The following PDS5A variants were observed in gnomAD, a reference collection of about 807,000 sequenced individuals.
The protein encoded by PDS5A is PDS5 cohesin associated factor A, also known as sister chromatid cohesion protein PDS5 homolog A.
PDS5A carries 42 observed loss-of-function variants against 167.1 expected under a neutral mutation model. That is an observed-to-expected ratio of 0.25 (90% confidence interval 0.20 to 0.33). The LOEUF (loss-of-function observed/expected upper bound fraction) is 0.33. PDS5A is among the 10% of genes least tolerant of loss of function. The probability of loss-of-function intolerance (pLI) is 1.00; values close to 1 mark genes in which losing one functional copy is unlikely to be tolerated. For synonymous variants in PDS5A, 553 were observed against 554.6 expected (o/e 1.00, Z 0.04); for missense variants, 1,033 against 1,605.9 (o/e 0.64, Z 6.10).
intron 2 of PDS5A, among the ~76,000 whole-genome samples, chr4:39,958,506 C>CA (rs370128527): frequency 0.084 from 6,771 of 80,244 alleles, 293 homozygotes; most frequent in East Asian, 0.28. Flanking sequence ...AACTGTGTCT[C>CA]AAAAAAAAAA....
intron 31 of PDS5A, among the ~76,000 whole-genome samples, chr4:39,839,237 C>T (rs1205687061): frequency 2.0e-5 from 3 of 151,976 alleles, no homozygotes; most frequent in East Asian, 3.9e-4. Flanking sequence ...GTGTTTCAAA[C>T]ACCAAGCAGA....
At chr4:39,840,073 G>A (rs1052152369) in intron 31 of PDS5A, among the ~76,000 whole-genome samples, 1 of 151,742 alleles carries the variant, frequency 6.6e-6, no homozygotes, top group African/African-American at 2.4e-5. Flanking sequence ...CAGCCCAGGC[G>A]ACAGAGACTC....
intron 31 of PDS5A, among the ~76,000 whole-genome samples, chr4:39,840,091 AAAAACAAAAG>A (rs1212972060): frequency 6.6e-6 from 1 of 152,106 alleles, no homozygotes; most frequent in Admixed American, 6.6e-5. Context: ...CTCCGTCTCA[AAAAACAAAAG>A]AAAACAAAAC....
intron 26 of PDS5A, among the ~76,000 whole-genome samples, chr4:39,860,683 CAGCAAAATG>C (rs1718909983): frequency 6.6e-6 from 1 of 152,144 alleles, no homozygotes; most frequent in Admixed American, 6.5e-5. Flanking sequence ...CTGTCATTTT[CAGCAAAATG>C]AACAGAACTT....
At chr4:39,843,608 G>A (rs1432873788) in intron 30 of PDS5A, among the ~76,000 whole-genome samples, 2 of 152,076 alleles carry the variant, frequency 1.3e-5, no homozygotes, top group East Asian at 3.9e-4. Flanking sequence ...GGAAGCTGAG[G>A]TGTGAGAATC....
chr4:39,898,373 AG>A lies in PDS5A; in HGVS notation c.1770+15del. On this transcript the variant is annotated intron_variant, in intron 16 of 32. Coordinates refer to ENST00000303538, the MANE Select transcript of PDS5A (RefSeq NM_001100399.2). ...AAGTAAAGCTAGAGAAAAAGTGTGA[AG>A]TATGATTTACTAACCACACAAATAT... 6.5e-7 allele frequency: 1 copy of A among 1,533,230 alleles called. No homozygotes were observed. Among genetic ancestry groups the A allele is most frequent in the African/African-American group, 1.4e-5 (1 of 72,482 alleles). 95.0% of individuals were successfully genotyped at this position (1,533,230 alleles called of 1,614,324 possible).
intron 30 of PDS5A, among the ~76,000 whole-genome samples, chr4:39,844,330 C>T (rs1049442089): frequency 6.6e-6 from 1 of 151,774 alleles, no homozygotes; most frequent in Non-Finnish European, 1.5e-5. Flanking sequence ...CAAAAATTAG[C>T]GGGGCGTGGT....
In PDS5A at chr4:39,886,911, T is replaced by A. The variant is rs144383454; in HGVS notation, c.1886+3338A>T. 7.2e-3 allele frequency among the ~76,000 whole-genome samples: 1,091 copies of A among 152,094 alleles called. 13 individuals carry two copies. Among genetic ancestry groups the A allele is most frequent in the African/African-American group, 0.024 (1,007 of 41,480 alleles). On this transcript the variant is annotated intron_variant, in intron 17 of 32. Coordinates refer to ENST00000303538, the MANE Select transcript of PDS5A (RefSeq NM_001100399.2). The stretch of plus-strand genomic sequence containing the variant: ...ATTATAAATAAGATTGCTTTCTTGA[T>A]TTTTCGGATTGTTTGCTGTCGGCAT...
chr4:39,940,212 C>A (rs1727095981), intron 2 of PDS5A, among the ~76,000 whole-genome samples: 1 of 151,966 alleles, frequency 6.6e-6, no homozygotes, highest in South Asian at 2.1e-4. Flanking sequence ...GAGCGAGACC[C>A]TGTCTGGAAG....
chr4:39,880,737 T>C (rs569169388), intron 17 of PDS5A, among the ~76,000 whole-genome samples: 37 of 152,316 alleles, frequency 2.4e-4, no homozygotes, highest in South Asian at 6.2e-4. Flanking sequence ...ATATAATGCA[T>C]GGTGATCAGA....
At chr4:39,923,454 A>T (rs1725183405) in intron 5 of PDS5A, among the ~76,000 whole-genome samples, 2 of 152,034 alleles carry the variant, frequency 1.3e-5, no homozygotes, top group Admixed American at 6.6e-5. Context: ...TGTCAATTTT[A>T]GCCTGGGCAA....
At chr4:39,844,478 C>A (rs1430064575) in intron 30 of PDS5A, among the ~76,000 whole-genome samples, 178 bp downstream of exon 30, 56 of 130,238 alleles carry the variant, frequency 4.3e-4, no homozygotes, top group Non-Finnish European at 5.5e-4. Context: ...GACTTTGTCT[C>A]AAAAAAAAAA....
intron 17 of PDS5A, among the ~76,000 whole-genome samples, chr4:39,882,980 G>GT (rs1721089174): frequency 6.6e-6 from 1 of 152,110 alleles, no homozygotes; most frequent in Non-Finnish European, 1.5e-5. Flanking sequence ...AGAAGGAAGA[G>GT]TAGTAATGGA....
intron 16 of PDS5A, among the ~76,000 whole-genome samples, chr4:39,896,791 CT>C (rs58818457): frequency 0.025 from 3,703 of 150,840 alleles, 154 homozygotes; most frequent in East Asian, 0.18. Context: ...AGTTTTAAAA[CT>C]TTTTTTTGTG....
At position 39,838,090 on chromosome 4, in the gene PDS5A, T is replaced by G; in HGVS notation, c.3776A>C (p.Glu1259Ala). 6.2e-7 allele frequency: 1 copy of G among 1,613,936 alleles called. No individual in the cohort carries two copies. Among genetic ancestry groups the G allele is most frequent in the Non-Finnish European group, 8.5e-7 (1 of 1,179,844 alleles). Residue 1259 changes from glutamate (E) to alanine (A), a missense_variant, in exon 32 of 33, where the codon GAA becomes GCA. This residue lies in a region of PDS5A where 233 missense variants were observed against 264.0 expected (regional missense o/e 0.88). Transcript: ENST00000303538. ...TTTGGAAGGGGCGGGAGGTCCCGAT[T>G]CATCTACTTTCTCATCTGTTTTTTG... Reference protein sequence around the residue: ...IQQKTDEKVDESGPPAPSKPR... With the variant: ...IQQKTDEKVDASGPPAPSKPR...
chr4:39,925,537 G>A (rs1428163141), intron 5 of PDS5A, among the ~76,000 whole-genome samples: 3 of 152,098 alleles, frequency 2.0e-5, no homozygotes, highest in Non-Finnish European at 4.4e-5. Context: ...CTATTAGATA[G>A]TAAGTCCCTT....
At position 39,848,859 on chromosome 4, in the gene PDS5A, G is replaced by A. The variant is rs766990597; in HGVS notation, c.3331C>T (p.Pro1111Ser). Reference protein sequence around the residue: ...PVLPMKFFTQPEKDFCNDKSY... With the variant: ...PVLPMKFFTQSEKDFCNDKSY... ...GAGAGGAAGAAAATTACCTTTTCAG[G>A]TTGTGTAAAAAATTTCATTGGGAGG... The change falls in exon 28 of 33, where the codon CCT (proline) becomes TCT (serine). Residue 1111 changes from proline (P) to serine (S), a missense_variant. Physicochemically the swap from Pro to Ser is moderately conservative, Grantham distance 74 (BLOSUM62 -1). This residue lies in a region of PDS5A where 367 missense variants were observed against 686.7 expected (regional missense o/e 0.53). Coordinates refer to ENST00000303538, the MANE Select transcript of PDS5A (RefSeq NM_001100399.2). 3.8e-6 allele frequency: 6 copies of A among 1,596,604 alleles called. No homozygotes were observed. Among genetic ancestry groups the A allele is most frequent in the East Asian group, 4.5e-5 (2 of 44,530 alleles).
At chr4:39,926,215 A>G (rs910410046) in intron 4 of PDS5A, among the ~76,000 whole-genome samples, 2 of 152,020 alleles carry the variant, frequency 1.3e-5, no homozygotes, top group Middle Eastern at 3.2e-3. Context: ...TTTAGAATAG[A>G]AAAAAATAAA....
At chr4:39,851,831 G>C (rs1416582602) in intron 26 of PDS5A, among the ~76,000 whole-genome samples, 2 of 151,902 alleles carry the variant, frequency 1.3e-5, no homozygotes, top group Non-Finnish European at 1.5e-5. Context: ...TTAATTCTTG[G>C]GTCAGAATTC....
Sources: allele counts gnomAD v4.1 joint callset (sites outside exome capture counted in the v4.1 genomes callset), GRCh38; gene constraint gnomAD v4.1.1; regional missense constraint gnomAD v4.1.1; transcripts MANE v1.5; gene names NCBI Gene and HGNC (gene_info 2026-07-23, HGNC 2026-07-21).